The following SRPK2 variants were observed in gnomAD, a reference collection of about 807,000 sequenced individuals.
SRPK2 encodes SRSF protein kinase 2, also known as SFRS protein kinase 2.
Under a neutral mutation model 90.8 loss-of-function variants are expected in SRPK2, and 21 were observed. That is an observed-to-expected ratio of 0.23 (90% CI 0.16 to 0.33). The LOEUF is 0.33. Among genes scored for constraint, SRPK2 ranks in the 10% least tolerant of loss-of-function variants. The pLI, the probability that SRPK2 is intolerant of heterozygous loss-of-function variation, is 1.00. For synonymous variants in SRPK2, 288 were observed against 311.1 expected, an observed-to-expected ratio of 0.93 and a Z score of 0.78; for missense variants, 620 against 869.0, an observed-to-expected ratio of 0.71 and a Z score of 3.60.
intron 3 of SRPK2, among the ~76,000 whole-genome samples, chr7:105,182,442 T>TC (rs142053317): frequency 0.029 from 3,962 of 136,854 alleles, 65 homozygotes; most frequent in African/African-American, 0.053. Flanking sequence ...TGACTTTGTT[T>TC]CCCCCCCCGC....
At chr7:105,187,718 T>C (rs1393038234) in intron 3 of SRPK2, among the ~76,000 whole-genome samples, 1 of 152,192 alleles carries the variant, frequency 6.6e-6, no homozygotes, top group Non-Finnish European at 1.5e-5. Flanking sequence ...GATTTTGGTG[T>C]GGGTGTCTGA....
Position 105,167,378 on chromosome 7 carries a change from T to C in SRPK2, c.513A>G (p.Ile171Met), listed in dbSNP as rs1466308306. 1.2e-6 allele frequency: 2 copies of C among 1,610,308 alleles called. No individual in the cohort carries two copies. Among genetic ancestry groups the C allele is most frequent in the African/African-American group, 1.3e-5 (1 of 74,832 alleles). Residue 171 changes from isoleucine (I) to methionine (M), a missense_variant and splice_region_variant, in exon 6 of 16, where the codon ATA (isoleucine) becomes ATG (methionine). Ile to Met is a conservative substitution (Grantham distance 10, BLOSUM62 1). Coordinates refer to ENST00000393651, the MANE Select transcript of SRPK2 (RefSeq NM_182692.3). ...DDFKISGMNG[I>M]HVCMVFEVLG... ...AATAAATCAGGAAGTAAAGGATACG[T>C]ATCCCATTCATGCCTGAAATCTTGA...
chr7:105,318,258 C>T (rs1038025475), intron 2 of SRPK2, among the ~76,000 whole-genome samples: 93 of 152,180 alleles, frequency 6.1e-4, no homozygotes, highest in African/African-American at 2.2e-3. Context: ...GGTCGCCCAG[C>T]TAATTTTTGT....
At chr7:105,157,140 G>A (rs1228617685) in intron 7 of SRPK2, among the ~76,000 whole-genome samples, 1 of 152,196 alleles carries the variant, frequency 6.6e-6, no homozygotes. Context: ...AGCTGGAGGT[G>A]ATAAGGGCCT....
chr7:105,222,719 T>C (rs924377594), intron 2 of SRPK2, among the ~76,000 whole-genome samples: 1 of 152,208 alleles, frequency 6.6e-6, no homozygotes, highest in Non-Finnish European at 1.5e-5. Context: ...TTTTAAAACA[T>C]AATTCAGAAA....
chr7:105,269,162 T>G (rs1192842905), intron 2 of SRPK2: 14 of 938,156 alleles, frequency 1.5e-5, no homozygotes, highest in Non-Finnish European at 1.8e-5. Context: ...CAAGATGATT[T>G]TCAATTTAGC....
chr7:105,133,274 C>T (rs971606220), intron 11 of SRPK2, among the ~76,000 whole-genome samples, 170 bp from the exon 12 acceptor site: 1 of 152,196 alleles, frequency 6.6e-6, no homozygotes, highest in Non-Finnish European at 1.5e-5. Flanking sequence ...TGTTCTCCAC[C>T]TCTGGAAAAT....
At chr7:105,241,454 C>T (rs1585313215) in intron 2 of SRPK2, among the ~76,000 whole-genome samples, 1 of 152,162 alleles carries the variant, frequency 6.6e-6, no homozygotes, top group East Asian at 1.9e-4. Flanking sequence ...CAAGTTGTCC[C>T]TCATACCATC....
At chr7:105,177,914 A>G (rs1792193515) in intron 3 of SRPK2, among the ~76,000 whole-genome samples, 1 of 151,718 alleles carries the variant, frequency 6.6e-6, no homozygotes, top group Admixed American at 6.6e-5. Flanking sequence ...CTGTAGTCCC[A>G]GCTACTCGGG....
chr7:105,168,114 A>G lies in SRPK2; in HGVS notation c.339-19T>C. The G allele has an allele frequency of 6.3e-7, 1 of 1,575,750 alleles. No individual in the cohort carries two copies. On this transcript the variant is annotated intron_variant, in intron 4 of 15. Coordinates refer to ENST00000393651, the MANE Select transcript of SRPK2 (RefSeq NM_182692.3). ...TTTCCCCCTAAAAGAAAAAACAAAA[A>G]AAGAGTCTATTTATCTATATTATCA...
At chr7:105,165,593 T>A (rs1044437336) in intron 6 of SRPK2, among the ~76,000 whole-genome samples, 7 of 151,980 alleles carry the variant, frequency 4.6e-5, no homozygotes. Context: ...TCTAAAGGAT[T>A]GTAAATGCAC....
At chr7:105,323,253 T>A (rs1417181032) in intron 2 of SRPK2, among the ~76,000 whole-genome samples, 2 of 152,126 alleles carry the variant, frequency 1.3e-5, no homozygotes, top group African/African-American at 4.8e-5. Flanking sequence ...AATATTGAAA[T>A]TTTATGCTAG....
chr7:105,129,513 T>C (rs1216126246), intron 13 of SRPK2, among the ~76,000 whole-genome samples: 3 of 151,462 alleles, frequency 2.0e-5, no homozygotes, highest in Admixed American at 2.0e-4. Flanking sequence ...TAGCTAGGAC[T>C]ATAGGCACGT....
intron 14 of SRPK2, 119 bp downstream of exon 14, chr7:105,126,874 A>AT: frequency 1.0e-6 from 1 of 965,092 alleles, no homozygotes; most frequent in Non-Finnish European, 1.6e-6. Flanking sequence ...AAGCATCTGA[A>AT]TTTGGTGTTT....
At chr7:105,269,304 C>A (rs1275687340) in intron 2 of SRPK2, among the ~76,000 whole-genome samples, 1 of 151,732 alleles carries the variant, frequency 6.6e-6, no homozygotes, top group African/African-American at 2.4e-5. Context: ...TTTCACTAGC[C>A]CTAAAAAATA....
chr7:105,331,337 A>AAAAAAAAAAAAAAAAAAAAAAAAAC (rs1554512429), intron 2 of SRPK2, among the ~76,000 whole-genome samples: 4 of 141,830 alleles, frequency 2.8e-5, no homozygotes, highest in Non-Finnish European at 6.1e-5. Flanking sequence ...AAAAAAAAAA[A>AAAAAAAAAAAAAAAAAAAAAAAAAC]CAAATAGTTA....
intron 3 of SRPK2, among the ~76,000 whole-genome samples, chr7:105,195,731 T>C (rs1414612670): frequency 6.6e-6 from 1 of 152,232 alleles, no homozygotes; most frequent in Non-Finnish European, 1.5e-5. Context: ...TATTCAAATA[T>C]AACATTCTTC....
At chr7:105,368,536 C>A (rs534685276) in intron 2 of SRPK2, among the ~76,000 whole-genome samples, 100 of 152,252 alleles carry the variant, frequency 6.6e-4, no homozygotes, top group African/African-American at 2.4e-3. Context: ...ATCCAGGGCT[C>A]TAATCCAGCA....
At chr7:105,168,877 T>C (rs374057229) in intron 4 of SRPK2, among the ~76,000 whole-genome samples, 1 of 151,834 alleles carries the variant, frequency 6.6e-6, no homozygotes, top group Non-Finnish European at 1.5e-5. Context: ...TATGTTTGTC[T>C]GATATGGATG....
Sources: gnomAD v4.1 joint callset for allele counts (sites outside exome capture counted in the v4.1 genomes callset) on GRCh38, gnomAD v4.1.1 for gene constraint, MANE v1.5 for transcripts, NCBI Gene and HGNC (gene_info 2026-07-23, HGNC 2026-07-21) for gene names.